The following RFX2 variants were observed in gnomAD, a reference collection of about 807,000 sequenced individuals.
RFX2 encodes DNA-binding protein RFX2.
In RFX2, 20 loss-of-function variants were observed where a neutral mutation model predicts 87.8. The ratio of observed to expected loss-of-function variants is 0.23; its 90% CI spans 0.16 to 0.33. The LOEUF (loss-of-function observed/expected upper bound fraction) is 0.33, where lower values mean the gene tolerates loss of function less well. Among genes scored for constraint, RFX2 ranks in the 10% least tolerant of loss-of-function variants. The probability of loss-of-function intolerance (pLI) is 1.00; values close to 1 mark genes in which losing one functional copy is unlikely to be tolerated. For synonymous variants in RFX2, 397 were observed against 431.3 expected, an observed-to-expected ratio of 0.92 and a Z score of 0.98; for missense variants, 767 against 1,012.3, an observed-to-expected ratio of 0.76 and a Z score of 3.29.
At position 6,026,256 on chromosome 19, in the gene RFX2, G is replaced by GAAACA; in HGVS notation, c.523-24_523-20dup. ...TTTCAAGCTAAAGAAAATGTGTGCA[G>GAAACA]AAACAAAACAAAACAAAATGGAAAA... On this transcript the variant is annotated intron_variant, in intron 5 of 17. Coordinates refer to ENST00000303657, the MANE Select transcript of RFX2 (RefSeq NM_000635.4). The surrounding 1 kb of genome is among the most constrained non-coding windows in gnomAD (Gnocchi z 4.5). 1 of 1,567,146 alleles carries GAAACA rather than the reference G, an allele frequency of 6.4e-7. No individual in the cohort carries two copies. Among genetic ancestry groups the GAAACA allele is most frequent in the South Asian group, 1.2e-5 (1 of 86,408 alleles).
intron 7 of RFX2, among the ~76,000 whole-genome samples, chr19:6,014,236 T>C (rs183450600): frequency 6.8e-4 from 103 of 152,124 alleles, no homozygotes; most frequent in African/African-American, 2.2e-3. Context: ...TTTCTTTTTC[T>C]CTTATTATTA....
chr19:6,004,536 G>A lies in RFX2; in HGVS notation c.1403-238C>T, dbSNP rs1237775279. ...TCACAGGGGCGATTCTGCCCCAGGG[G>A]ACACTGGGCAATGTCTGGGGACGTT... On this transcript the variant is annotated intron_variant, in intron 12 of 17. Coordinates refer to ENST00000303657, the MANE Select transcript of RFX2 (RefSeq NM_000635.4). This position sits in a 1 kb window ranked among gnomAD's most constrained non-coding sequence, Gnocchi z 4.8. 6.6e-6 allele frequency among the ~76,000 whole-genome samples: 1 copy of A among 152,236 alleles called. No individual in the cohort carries two copies. The highest frequency in any genetic ancestry group is 1.5e-5 in the Non-Finnish European group (1 of 68,034).
chr19:6,040,164 C>A lies in RFX2; in HGVS notation c.338G>T (p.Gly113Val). Residue 113 changes from glycine (G) to valine (V), a missense_variant, in exon 5 of 18, where the codon GGC becomes GTC. Physicochemically the swap from Gly to Val is moderately radical, Grantham distance 109. Around this residue, in one of 2 missense-constraint regions of RFX2, gnomAD observed 621 missense variants for 873.0 expected, o/e 0.71. Coordinates refer to ENST00000303657, the MANE Select transcript of RFX2 (RefSeq NM_000635.4). This position sits in a 1 kb window ranked among gnomAD's most constrained non-coding sequence, Gnocchi z 6.1. Reference protein sequence around the residue: ...SSTASYFEAPGGAQVTVAASS... With the variant: ...SSTASYFEAPVGAQVTVAASS... ...GGCTGCCACGGTCACCTGGGCACCG[C>A]CTGGGGCCTCGAAGTAAGAAGCCGT... is the stretch of plus-strand genomic sequence containing the variant. 1 of 1,600,642 alleles carries A rather than the reference C, an allele frequency of 6.2e-7. No individual in the cohort carries two copies. Among genetic ancestry groups the A allele is most frequent in the Non-Finnish European group, 8.5e-7 (1 of 1,169,970 alleles).
intron 1 of RFX2, among the ~76,000 whole-genome samples, chr19:6,104,886 G>C (rs1018969136): frequency 2.6e-5 from 4 of 152,094 alleles, no homozygotes; most frequent in Admixed American, 2.0e-4. Flanking sequence ...TTGGGAGGCC[G>C]AGGTGGGCAG....
At chr19:6,082,936 T>C (rs1313064194) in intron 1 of RFX2, among the ~76,000 whole-genome samples, 1 of 152,218 alleles carries the variant, frequency 6.6e-6, no homozygotes, top group African/African-American at 2.4e-5. Context: ...TTGCTCATCA[T>C]GGAATTTTTT....
rs759517200 is a variant in RFX2 at position 6,050,972 on chromosome 19, C to T, written c.-8-3468G>A. ...GCTTCTCATCAATAACAATGGCAAC[C>T]AGAAGACAATGGAGTGACATTTTTA... is the stretch of plus-strand genomic sequence containing the variant. On this transcript the variant is annotated intron_variant, in intron 1 of 17. Coordinates refer to ENST00000303657, the MANE Select transcript of RFX2 (RefSeq NM_000635.4). The surrounding 1 kb of genome is among the most constrained non-coding windows in gnomAD (Gnocchi z 4.6). Among the ~76,000 whole-genome samples, 1 of 152,034 alleles carries T rather than the reference C, an allele frequency of 6.6e-6. No homozygotes were observed. The highest frequency in any genetic ancestry group is 1.5e-5 in the Non-Finnish European group (1 of 68,014).
intron 1 of RFX2, among the ~76,000 whole-genome samples, chr19:6,105,116 C>G (rs1251827947): frequency 8.9e-6 from 1 of 111,756 alleles, no homozygotes; most frequent in Non-Finnish European, 1.7e-5. Context: ...GACTCCGTCT[C>G]ACAAAAAAAA....
chr19:6,014,022 A>C (rs1208594474), intron 7 of RFX2, among the ~76,000 whole-genome samples: 1 of 152,086 alleles, frequency 6.6e-6, no homozygotes, highest in Non-Finnish European at 1.5e-5. Flanking sequence ...CTGTTTGGGA[A>C]CCATTACATT....
rs377513643 is a variant in RFX2 at position 6,036,105 on chromosome 19, G to A, written c.522+3875C>T. Among the ~76,000 whole-genome samples, 10 of 152,234 alleles carry A rather than the reference G, an allele frequency of 6.6e-5. No homozygotes were observed. The South Asian group carries it at 1.9e-3, about 28-fold the overall frequency. On this transcript the variant is annotated intron_variant, in intron 5 of 17. Transcript: ENST00000303657. Reference sequence around the variant, plus strand: ...TATTTTACTGTTATAAGTTGATGCCGTTTGCTAAGTCAAATGTGCCACATT... The same window carrying A: ...TATTTTACTGTTATAAGTTGATGCCATTTGCTAAGTCAAATGTGCCACATT...
chr19:6,067,038 G>C (rs1467697016), intron 1 of RFX2, among the ~76,000 whole-genome samples: 1 of 152,158 alleles, frequency 6.6e-6, no homozygotes, highest in Non-Finnish European at 1.5e-5. Flanking sequence ...TACCATATTT[G>C]TTCTGAAATA....
intron 16 of RFX2, 113 bp from the exon 17 acceptor site, chr19:5,995,756 G>GAAGC: frequency 1.1e-6 from 1 of 917,206 alleles, no homozygotes; most frequent in Non-Finnish European, 1.7e-6. Context: ...CATTCACAGT[G>GAAGC]AAGCAGCTGG....
intron 9 of RFX2, 146 bp from the exon 10 acceptor site, chr19:6,008,370 T>A: frequency 2.1e-6 from 1 of 473,650 alleles, no homozygotes; most frequent in Non-Finnish European, 3.8e-6. Context: ...TTTCTTTTTC[T>A]TTTTCTTTTT....
intron 1 of RFX2, among the ~76,000 whole-genome samples, chr19:6,108,815 C>T (rs2088261374): frequency 6.6e-6 from 1 of 152,200 alleles, no homozygotes; most frequent in African/African-American, 2.4e-5. Flanking sequence ...ATGAACCGCG[C>T]CGGCAGCCGC....
intron 1 of RFX2, among the ~76,000 whole-genome samples, chr19:6,109,101 A>G (rs994713312): frequency 2.0e-5 from 3 of 151,976 alleles, no homozygotes; most frequent in African/African-American, 7.3e-5. Flanking sequence ...ACAAACACAC[A>G]CACGCACTCG....
chr19:6,034,227 A>ATTTT (rs1167004611), intron 5 of RFX2, among the ~76,000 whole-genome samples: 4 of 117,620 alleles, frequency 3.4e-5, no homozygotes, highest in Non-Finnish European at 5.4e-5. Context: ...CACACTGCTA[A>ATTTT]TTTTTTTTTT....
At position 6,079,174 on chromosome 19, in the gene RFX2, A is replaced by C. The variant is rs538123163; in HGVS notation, c.-9+31219T>G. Among the ~76,000 whole-genome samples, 30 of 152,372 alleles carry C rather than the reference A, an allele frequency of 2.0e-4. 1 individual carries two copies. The highest frequency in any genetic ancestry group is 6.7e-4 in the African/African-American group (28 of 41,592). ...CCAAACTGTAATCCTGTAAATTACC[A>C]AACAGAATGGCTGTTTGTGCAGGGA... On this transcript the variant is annotated intron_variant, in intron 1 of 17. Transcript: ENST00000303657.
Position 6,056,087 on chromosome 19 carries a change from C to T in RFX2, c.-8-8583G>A, listed in dbSNP as rs928016126. On this transcript the variant is annotated intron_variant, in intron 1 of 17. Transcript: ENST00000303657. The surrounding 1 kb of genome is among the most constrained non-coding windows in gnomAD (Gnocchi z 4.6). ...GGAGGGGACACTCCAGTGAGATGGA[C>T]GCATTCTGTATGATAATACAGTGTG... 6.6e-5 allele frequency among the ~76,000 whole-genome samples: 10 copies of T among 151,984 alleles called. No individual in the cohort carries two copies. Among genetic ancestry groups the T allele is most frequent in the African/African-American group, 1.2e-4 (5 of 41,348 alleles).
At position 5,999,855 on chromosome 19, in the gene RFX2, G is replaced by A. The variant is rs1191971090; in HGVS notation, c.1859+1960C>T. On this transcript the variant is annotated intron_variant, in intron 15 of 17. Coordinates refer to ENST00000303657, the MANE Select transcript of RFX2 (RefSeq NM_000635.4). The surrounding 1 kb of genome is among the most constrained non-coding windows in gnomAD (Gnocchi z 4.1). ...GGGTTTCTCTGTGTGGCTGTCTGGG[G>A]GAAAGATGTTCCAGGCAAGGGGGGC... 1.3e-5 allele frequency among the ~76,000 whole-genome samples: 2 copies of A among 152,122 alleles called. No homozygotes were observed. The highest frequency in any genetic ancestry group is 4.8e-5 in the African/African-American group (2 of 41,416).
Position 5,999,644 on chromosome 19 carries a change from C to T in RFX2, c.1859+2171G>A, listed in dbSNP as rs1249967225. On this transcript the variant is annotated intron_variant, in intron 15 of 17. Coordinates refer to ENST00000303657, the MANE Select transcript of RFX2 (RefSeq NM_000635.4). The surrounding 1 kb of genome is among the most constrained non-coding windows in gnomAD (Gnocchi z 4.1). ...TTCATTCACTGAGCCAGCATTTAAA[C>T]AGAAGTGAGGTCCCGGCACTCGGGT... Among the ~76,000 whole-genome samples the T allele has an allele frequency of 1.3e-5, 2 of 152,154 alleles. No homozygotes were observed. The highest frequency in any genetic ancestry group is 3.9e-4 in the East Asian group (2 of 5,180).
Sources: allele counts gnomAD v4.1 joint callset (sites outside exome capture counted in the v4.1 genomes callset), GRCh38; gene constraint gnomAD v4.1.1; regional missense constraint gnomAD v4.1.1; non-coding constraint Gnocchi (gnomAD v3.1); transcripts MANE v1.5; gene names NCBI Gene and HGNC (gene_info 2026-07-23, HGNC 2026-07-21).